NSMCE2: variants seen among roughly 807,000 people sequenced by gnomAD.
The protein encoded by NSMCE2 is E3 SUMO-protein ligase NSE2.
NSMCE2 carries 24 observed loss-of-function variants against 23.8 expected under a neutral mutation model. That is an observed-to-expected ratio of 1.01 (90% CI 0.73 to 1.42). The LOEUF (loss-of-function observed/expected upper bound fraction) is 1.42, where lower values mean the gene tolerates loss of function less well. NSMCE2 is among the 40% of genes most tolerant of loss of function. The pLI, the probability that NSMCE2 is intolerant of heterozygous loss-of-function variation, is 0.00. For missense variants in NSMCE2, 284 were observed against 296.5 expected (o/e 0.96, Z 0.31); for synonymous variants, 92 against 94.1 (o/e 0.98, Z 0.13).
intron 3 of NSMCE2, among the ~76,000 whole-genome samples, chr8:125,107,753 G>A (rs1818535654): frequency 6.6e-6 from 1 of 152,140 alleles, no homozygotes; most frequent in South Asian, 2.1e-4. Context: ...ATGTAAATAA[G>A]CTAGGCCTGG....
At chr8:125,333,505 C>CTGTTTTTTTTTTTT (rs1829956642) in intron 5 of NSMCE2, among the ~76,000 whole-genome samples, 1 of 45,638 alleles carries the variant, frequency 2.2e-5, no homozygotes, top group Non-Finnish European at 3.8e-5. Context: ...CCTGGTGGTT[C>CTGTTTTTTTTTTTT]TTTTTTTTTT....
chr8:125,125,233 G>C (rs1439027301), intron 3 of NSMCE2, among the ~76,000 whole-genome samples: 1 of 152,144 alleles, frequency 6.6e-6, no homozygotes, highest in Non-Finnish European at 1.5e-5. Flanking sequence ...AGTGTCAAGA[G>C]CATACATCCT....
intron 5 of NSMCE2, among the ~76,000 whole-genome samples, chr8:125,306,732 A>G (rs1266215200): frequency 6.6e-6 from 1 of 152,188 alleles, no homozygotes; most frequent in African/African-American, 2.4e-5. Flanking sequence ...TTGGTAGGTT[A>G]TCTAGTGTAA....
intron 5 of NSMCE2, among the ~76,000 whole-genome samples, chr8:125,353,290 T>G (rs966963447): frequency 6.6e-6 from 1 of 152,208 alleles, no homozygotes; most frequent in Non-Finnish European, 1.5e-5. Context: ...ATTTTTACTC[T>G]TAAACACACG....
chr8:125,343,841 G>A (rs7823958), intron 5 of NSMCE2, among the ~76,000 whole-genome samples: 125,645 of 151,628 alleles, frequency 0.83, 52,066 homozygotes, highest in African/African-American at 0.87. Context: ...TAAAAAATAA[G>A]AAAAATAAAA....
intron 5 of NSMCE2, among the ~76,000 whole-genome samples, chr8:125,213,874 G>C (rs555062179): frequency 7.6e-4 from 115 of 152,078 alleles, no homozygotes; most frequent in African/African-American, 2.7e-3. Flanking sequence ...CTTTCTATTA[G>C]TCACTATTCT....
intron 5 of NSMCE2, among the ~76,000 whole-genome samples, chr8:125,297,285 T>C (rs1563769569): frequency 6.6e-6 from 1 of 152,194 alleles, no homozygotes; most frequent in Admixed American, 6.5e-5. Context: ...GATAATACAT[T>C]GAATCTGTAG....
chr8:125,320,332 G>T (rs866167587), intron 5 of NSMCE2, among the ~76,000 whole-genome samples: 12 of 149,592 alleles, frequency 8.0e-5, no homozygotes, highest in African/African-American at 2.5e-4. Context: ...GGGAAGGAAG[G>T]CAGGCTGAAA....
intron 5 of NSMCE2, among the ~76,000 whole-genome samples, chr8:125,331,258 C>T (rs953869042): frequency 2.4e-4 from 37 of 152,136 alleles, no homozygotes; most frequent in African/African-American, 8.7e-4. Flanking sequence ...CAAGATAGCG[C>T]CACTGCACTC....
chr8:125,235,982 T>C (rs1825531238), intron 5 of NSMCE2, among the ~76,000 whole-genome samples: 1 of 152,238 alleles, frequency 6.6e-6, no homozygotes, highest in African/African-American at 2.4e-5. Flanking sequence ...TTTCTATTCC[T>C]GGAAATATGG....
intron 3 of NSMCE2, among the ~76,000 whole-genome samples, chr8:125,118,656 A>G (rs180746836): frequency 6.6e-6 from 1 of 152,286 alleles, no homozygotes; most frequent in East Asian, 1.9e-4. Flanking sequence ...AAATTATTGG[A>G]ATTTGGAGCC....
chr8:125,320,163 G>C (rs533976930), intron 5 of NSMCE2, among the ~76,000 whole-genome samples: 2 of 147,528 alleles, frequency 1.4e-5, no homozygotes, highest in South Asian at 4.4e-4. Context: ...GCAACAGAGG[G>C]AGACTCCATC....
chr8:125,152,224 C>A, intron 4 of NSMCE2, among the ~76,000 whole-genome samples: 1 of 152,050 alleles, frequency 6.6e-6, no homozygotes, highest in East Asian at 1.9e-4. Context: ...AAAATTTTGA[C>A]GTTTCTGGCT....
In NSMCE2 at chr8:125,204,192, ATAG is replaced by A. The variant is rs1337836570; in HGVS notation, c.418+21941_418+21943del. Among the ~76,000 whole-genome samples the A allele has an allele frequency of 3.9e-5, 6 of 152,340 alleles. No individual in the cohort carries two copies. The East Asian group carries it at 1.2e-3, about 29-fold the overall frequency. On this transcript the variant is annotated intron_variant, in intron 5 of 7. Transcript: ENST00000287437. ...TATTTCATGACAAATACTTTGACAC[ATAG>A]TAGTCCTGGGAATAAAAGATAGGTC...
chr8:125,167,763 ATT>A (rs113680431), intron 4 of NSMCE2, among the ~76,000 whole-genome samples: 1 of 146,478 alleles, frequency 6.8e-6, no homozygotes, highest in South Asian at 2.2e-4. Context: ...TTCTTGTAAG[ATT>A]TTTTTTTTTT....
chr8:125,152,800 G>A (rs1242799198), intron 4 of NSMCE2, among the ~76,000 whole-genome samples: 1 of 152,122 alleles, frequency 6.6e-6, no homozygotes, highest in Non-Finnish European at 1.5e-5. Flanking sequence ...GCTCACGCCT[G>A]TAATCTCAGC....
intron 5 of NSMCE2, among the ~76,000 whole-genome samples, chr8:125,223,230 C>T (rs1481657823): frequency 1.3e-5 from 2 of 151,396 alleles, no homozygotes; most frequent in Non-Finnish European, 2.9e-5. Context: ...TGGTGGTACA[C>T]ACCTGTGGTC....
intron 5 of NSMCE2, among the ~76,000 whole-genome samples, chr8:125,319,915 G>A (rs113227706): frequency 2.3e-4 from 35 of 152,118 alleles, no homozygotes; most frequent in African/African-American, 8.2e-4. Flanking sequence ...GGTGGCTCAC[G>A]CCTGTAATCT....
rs549023298 is a variant in NSMCE2 at position 125,144,735 on chromosome 8, A to C, written c.158-6436A>C. On this transcript the variant is annotated intron_variant, in intron 3 of 7. Transcript: ENST00000287437. ...CAACCAGCCTTGCTTTCATTCTTTC[A>C]TACTTGTTTGTGCCTCATTCATCAT... Among the ~76,000 whole-genome samples, 38 of 152,124 alleles carry C rather than the reference A, an allele frequency of 2.5e-4. 1 individual carries two copies. In the South Asian group the frequency reaches 7.9e-3, roughly 32 times the overall value.
Sources: gnomAD v4.1 joint callset for allele counts (sites outside exome capture counted in the v4.1 genomes callset) on GRCh38, gnomAD v4.1.1 for gene constraint, MANE v1.5 for transcripts, NCBI Gene and HGNC (gene_info 2026-07-23, HGNC 2026-07-21) for gene names.